Variants in COLEC12 observed in about 807,000 individuals in gnomAD.
The protein encoded by COLEC12 is collectin-12.
COLEC12 carries 33 observed loss-of-function variants against 71.1 expected under a neutral mutation model. That is an observed-to-expected ratio of 0.46 (90% CI 0.35 to 0.62). The LOEUF is 0.62. Among genes scored for constraint, COLEC12 ranks in the 20% least tolerant of loss-of-function variants. COLEC12 has a pLI of 0.00. For missense variants in COLEC12, 765 were observed against 916.1 expected (o/e 0.84, Z 2.13); for synonymous variants, 350 against 353.0 (o/e 0.99, Z 0.10).
At chr18:390,117 C>T (rs1034665609) in intron 2 of COLEC12, among the ~76,000 whole-genome samples, 8 of 152,180 alleles carry the variant, frequency 5.3e-5, no homozygotes, top group Non-Finnish European at 7.3e-5. Context: ...CCATCTCAAC[C>T]GAGGCAGTTC....
intron 7 of COLEC12, among the ~76,000 whole-genome samples, chr18:332,291 C>T (rs1914001788): frequency 6.6e-6 from 1 of 152,192 alleles, no homozygotes; most frequent in South Asian, 2.1e-4. Context: ...GTGCTCATTC[C>T]AGTCAGTTAC....
rs1180660451 is a variant in COLEC12, at chr18:346,819, A to G, written c.803T>C (p.Leu268Pro). The change falls in exon 5 of 10, where the codon CTG becomes CCG. Residue 268 changes from leucine to proline, a missense_variant. Coordinates refer to ENST00000400256, the MANE Select transcript of COLEC12 (RefSeq NM_130386.3). The surrounding 1 kb of genome is among the most constrained non-coding windows in gnomAD (Gnocchi z 4.0). ...GGCCAACGCAGAGTTGTTGGCAGCC[A>G]GCGTCTGCAAGCTCTGCACTTTCTC... Reference protein sequence around the residue: ...LKEKVQSLQTLAANNSALAKA... With the variant: ...LKEKVQSLQTPAANNSALAKA... 1 of 1,614,042 alleles carries G rather than the reference A, an allele frequency of 6.2e-7. No individual in the cohort carries two copies. The highest frequency in any genetic ancestry group is 8.5e-7 in the Non-Finnish European group (1 of 1,179,974).
chr18:433,963 CAA>C (rs11395419), intron 2 of COLEC12, among the ~76,000 whole-genome samples: 10 of 130,132 alleles, frequency 7.7e-5, no homozygotes, highest in Admixed American at 1.6e-4. Context: ...GACCCTGCCT[CAA>C]AAAAAAAAAA....
intron 2 of COLEC12, among the ~76,000 whole-genome samples, chr18:423,221 A>T (rs919276957): frequency 1.3e-5 from 2 of 152,186 alleles, no homozygotes; most frequent in Admixed American, 1.3e-4. Flanking sequence ...GTGAGCCATG[A>T]TCATGCCACT....
chr18:332,216 C>T (rs1281453770), intron 7 of COLEC12, among the ~76,000 whole-genome samples: 3 of 152,230 alleles, frequency 2.0e-5, no homozygotes, highest in Non-Finnish European at 4.4e-5. Context: ...TGAGAAGTAG[C>T]TGAGCTGGGC....
chr18:357,656 T>C lies in COLEC12; in HGVS notation c.59-134A>G, dbSNP rs1044743517. 9.2e-6 allele frequency: 6 copies of C among 650,756 alleles called. No homozygotes were observed. The African/African-American group carries it at 9.3e-5, about 10-fold the overall frequency. The allele number at this position is 650,756 out of a possible 1,614,324, so 40.3% of individuals were successfully genotyped here. A position where few individuals can be genotyped will look rare whatever the true frequency, so the allele number is the denominator to read the frequency against. On this transcript the variant is annotated intron_variant, in intron 2 of 9. Coordinates refer to ENST00000400256, the MANE Select transcript of COLEC12 (RefSeq NM_130386.3). Reference sequence around the variant, plus strand: ...CCTTACTATACTATGAGAACTATTTTGACAGTAAACACACTGCTTGAGCAA... The same window carrying C: ...CCTTACTATACTATGAGAACTATTTCGACAGTAAACACACTGCTTGAGCAA...
intron 2 of COLEC12, among the ~76,000 whole-genome samples, chr18:398,813 C>T (rs941207285): frequency 3.9e-5 from 6 of 152,220 alleles, no homozygotes; most frequent in Admixed American, 1.3e-4. Context: ...CCAAAATCTC[C>T]GGGCTTTTCT....
At chr18:378,516 A>G (rs1172564396) in intron 2 of COLEC12, among the ~76,000 whole-genome samples, 1 of 152,220 alleles carries the variant, frequency 6.6e-6, no homozygotes, top group Non-Finnish European at 1.5e-5. Flanking sequence ...AGAGGCCCAC[A>G]GGGTGTGGCC....
intron 1 of COLEC12, among the ~76,000 whole-genome samples, chr18:493,974 T>C (rs1195970798): frequency 6.6e-6 from 1 of 152,160 alleles, no homozygotes; most frequent in African/African-American, 2.4e-5. Context: ...AGTAGGCACG[T>C]GAGCAATAGT....
At chr18:463,379 T>A (rs1402130197) in intron 2 of COLEC12, among the ~76,000 whole-genome samples, 2 of 152,248 alleles carry the variant, frequency 1.3e-5, no homozygotes, top group Non-Finnish European at 2.9e-5. Context: ...TACCCAACTA[T>A]AAATTGTTGC....
chr18:365,706 T>C (rs987450583), intron 2 of COLEC12, among the ~76,000 whole-genome samples: 27 of 152,206 alleles, frequency 1.8e-4, no homozygotes, highest in African/African-American at 6.3e-4. Flanking sequence ...AAAAAAATTA[T>C]CTGGAATACA....
chr18:346,918 T>G lies in COLEC12; in HGVS notation c.704A>C (p.Gln235Pro). The change falls in exon 5 of 10, where the codon CAG (glutamine) becomes CCG (proline). Residue 235 changes from glutamine to proline, a missense_variant. Physicochemically the swap from Gln to Pro is moderately conservative, Grantham distance 76. Transcript: ENST00000400256. This position sits in a 1 kb window ranked among gnomAD's most constrained non-coding sequence, Gnocchi z 4.0. ...ATTTTGAAAGTCGTTCTTGATTCGC[T>G]GGATAGCCTGGCTTGTGTCATCCAC... The part of the protein sequence containing the change: ...RSVDDTSQAI[Q>P]RIKNDFQNLQ... 6.2e-7 allele frequency: 1 copy of G among 1,614,194 alleles called. No individual in the cohort carries two copies. Among genetic ancestry groups the G allele is most frequent in the African/African-American group, 1.3e-5 (1 of 75,066 alleles).
chr18:394,278 C>T (rs1481589100), intron 2 of COLEC12, among the ~76,000 whole-genome samples: 1 of 152,192 alleles, frequency 6.6e-6, no homozygotes, highest in Non-Finnish European at 1.5e-5. Flanking sequence ...GTACTGGGGT[C>T]AGTGTGGGTG....
At chr18:451,660 T>C (rs1009320364) in intron 2 of COLEC12, among the ~76,000 whole-genome samples, 2 of 151,986 alleles carry the variant, frequency 1.3e-5, no homozygotes, top group African/African-American at 4.8e-5. Context: ...GGCAGGAGAA[T>C]TGCTGGAACC....
intron 2 of COLEC12, among the ~76,000 whole-genome samples, chr18:440,742 T>C (rs1916503329): frequency 6.6e-6 from 1 of 152,210 alleles, no homozygotes; most frequent in African/African-American, 2.4e-5. Context: ...ACCTTACATT[T>C]GTATAGAGTT....
chr18:477,187 C>T (rs114929840), intron 2 of COLEC12, among the ~76,000 whole-genome samples: 2,866 of 152,262 alleles, frequency 0.019, 91 homozygotes, highest in African/African-American at 0.064. Flanking sequence ...TGCAGAAGAT[C>T]GTGCATTTTG....
In COLEC12 at chr18:399,288, G is replaced by C. The variant is rs1915631647; in HGVS notation, c.59-41766C>G. On this transcript the variant is annotated intron_variant, in intron 2 of 9. Transcript: ENST00000400256. This position sits in a 1 kb window ranked among gnomAD's most constrained non-coding sequence, Gnocchi z 4.0. ...AATGAACTTCAGACTACTGGAATGG[G>C]CACCACCAGCACCACAGACCTTGTG... Among the ~76,000 whole-genome samples, 1 of 152,242 alleles carries C rather than the reference G, an allele frequency of 6.6e-6. No homozygotes were observed. Among genetic ancestry groups the C allele is most frequent in the Non-Finnish European group, 1.5e-5 (1 of 68,042 alleles).
At chr18:358,556 A>G (rs1366504440) in intron 2 of COLEC12, among the ~76,000 whole-genome samples, 2 of 152,158 alleles carry the variant, frequency 1.3e-5, no homozygotes, top group Non-Finnish European at 2.9e-5. Flanking sequence ...TTGAGAATCT[A>G]ATGCTGCCAC....
At chr18:321,204 G>A (rs1298101133) in intron 9 of COLEC12, among the ~76,000 whole-genome samples, 1 of 152,034 alleles carries the variant, frequency 6.6e-6, no homozygotes, top group Non-Finnish European at 1.5e-5. Flanking sequence ...ACAGGCATGC[G>A]CCACCATGCC....
Sources: allele counts gnomAD v4.1 joint callset (sites outside exome capture counted in the v4.1 genomes callset), GRCh38; gene constraint gnomAD v4.1.1; non-coding constraint Gnocchi (gnomAD v3.1); transcripts MANE v1.5; gene names NCBI Gene and HGNC (gene_info 2026-07-23, HGNC 2026-07-21).